Variants in ST8SIA1 observed in about 807,000 individuals in gnomAD.
The protein encoded by ST8SIA1 is alpha-N-acetylneuraminide alpha-2,8-sialyltransferase.
Under a neutral mutation model 35.9 loss-of-function variants are expected in ST8SIA1, and 16 were observed. That is an observed-to-expected ratio of 0.45 (90% CI 0.30 to 0.68). The LOEUF is 0.68. ST8SIA1 is among the 30% of genes least tolerant of loss of function. The pLI is 0.09. For missense variants in ST8SIA1, 383 were observed against 453.6 expected (o/e 0.84, Z 1.41); for synonymous variants, 170 against 169.6 (o/e 1.00, Z -0.02).
chr12:22,244,576 C>T (rs1407029780), intron 4 of ST8SIA1, among the ~76,000 whole-genome samples: 1 of 152,152 alleles, frequency 6.6e-6, no homozygotes, highest in African/African-American at 2.4e-5. Context: ...CCTGCCTCAG[C>T]CTCCCAAGTA....
At chr12:22,290,105 T>C (rs1866155988) in intron 1 of ST8SIA1, among the ~76,000 whole-genome samples, 1 of 152,194 alleles carries the variant, frequency 6.6e-6, no homozygotes, top group East Asian at 1.9e-4. Flanking sequence ...TGTGTAGAAA[T>C]ATTTTTAAAT....
At chr12:22,277,697 T>C (rs893587540) in intron 2 of ST8SIA1, among the ~76,000 whole-genome samples, 1 of 152,104 alleles carries the variant, frequency 6.6e-6, no homozygotes, top group African/African-American at 2.4e-5. Context: ...CTTGAATTAG[T>C]ATAGATAACA....
intron 1 of ST8SIA1, among the ~76,000 whole-genome samples, chr12:22,300,923 T>C (rs962166964): frequency 6.6e-6 from 1 of 152,174 alleles, no homozygotes; most frequent in Non-Finnish European, 1.5e-5. Flanking sequence ...TCGTCAAATC[T>C]GAAATGGTGT....
chr12:22,283,327 C>T (rs957369591), intron 2 of ST8SIA1, among the ~76,000 whole-genome samples: 117 of 152,260 alleles, frequency 7.7e-4, no homozygotes, highest in African/African-American at 2.7e-3. Context: ...TCTAACATTC[C>T]TGCTACTGCC....
intron 4 of ST8SIA1, among the ~76,000 whole-genome samples, chr12:22,241,384 C>T (rs979057015): frequency 6.6e-6 from 1 of 151,974 alleles, no homozygotes; most frequent in Non-Finnish European, 1.5e-5. Context: ...TGAGACCTGG[C>T]TGTTTAAGTG....
chr12:22,290,113 A>T (rs2135818403), intron 1 of ST8SIA1, among the ~76,000 whole-genome samples: 1 of 152,322 alleles, frequency 6.6e-6, no homozygotes, highest in East Asian at 1.9e-4. Flanking sequence ...AATATTTTTA[A>T]ATCCAAGAGG....
chr12:22,221,478 G>A (rs1484072473), intron 4 of ST8SIA1, among the ~76,000 whole-genome samples: 1 of 152,156 alleles, frequency 6.6e-6, no homozygotes, highest in Non-Finnish European at 1.5e-5. Context: ...AAGACGAAGA[G>A]AGAAATAGCA....
intron 1 of ST8SIA1, among the ~76,000 whole-genome samples, chr12:22,287,773 C>A (rs1333361996): frequency 6.6e-6 from 1 of 152,012 alleles, no homozygotes; most frequent in East Asian, 1.9e-4. Flanking sequence ...ACAGAGTGAC[C>A]CTAAAGAGAG....
chr12:22,211,533 T>C (rs1030065781), intron 4 of ST8SIA1, among the ~76,000 whole-genome samples: 24 of 152,190 alleles, frequency 1.6e-4, no homozygotes, highest in African/African-American at 1.9e-4. Flanking sequence ...TGTGATGAAA[T>C]AGGTTGAAGA....
At chr12:22,292,810 T>C (rs1463957431) in intron 1 of ST8SIA1, among the ~76,000 whole-genome samples, 2 of 152,158 alleles carry the variant, frequency 1.3e-5, no homozygotes, top group Non-Finnish European at 2.9e-5. Context: ...GCTCACTACC[T>C]GAATAATTGA....
intron 1 of ST8SIA1, among the ~76,000 whole-genome samples, chr12:22,324,120 C>T (rs957307928): frequency 2.6e-5 from 4 of 151,942 alleles, no homozygotes; most frequent in African/African-American, 9.7e-5. Context: ...ACTAAATTTC[C>T]AACAAAGATC....
At chr12:22,247,870 T>A in intron 4 of ST8SIA1, among the ~76,000 whole-genome samples, 1 of 152,118 alleles carries the variant, frequency 6.6e-6, no homozygotes, top group East Asian at 1.9e-4. Context: ...AAATATTTTT[T>A]AAAGCAAGTC....
intron 1 of ST8SIA1, 51 bp downstream of exon 1, chr12:22,333,944 GCA>G: frequency 6.6e-7 from 1 of 1,515,268 alleles, no homozygotes; most frequent in Admixed American, 1.7e-5. Context: ...CCTGTCCTCT[GCA>G]CTCGGGGAGG....
intron 4 of ST8SIA1, among the ~76,000 whole-genome samples, chr12:22,247,068 C>T (rs1354904736): frequency 6.7e-6 from 1 of 149,318 alleles, no homozygotes; most frequent in African/African-American, 2.5e-5. Flanking sequence ...AAAACAGTCT[C>T]TCCCTCCCTC....
At chr12:22,230,158 T>C (rs1235593269) in intron 4 of ST8SIA1, among the ~76,000 whole-genome samples, 1 of 152,172 alleles carries the variant, frequency 6.6e-6, no homozygotes, top group African/African-American at 2.4e-5. Flanking sequence ...CAGAAAACCT[T>C]TCCATCTAAA....
intron 4 of ST8SIA1, among the ~76,000 whole-genome samples, chr12:22,241,446 A>G (rs1475491076): frequency 1.3e-5 from 2 of 152,080 alleles, no homozygotes. Context: ...GCCATGTGAC[A>G]TGCCTGCTCC....
chr12:22,194,430 C>G lies in ST8SIA1; in HGVS notation c.*7122G>C, dbSNP rs1864959058. ...TTCTATAAAATAGTCACATTTGCTA[C>G]ATTTATAGGACTTCTTGATAATAAC... On this transcript the variant is annotated 3_prime_UTR_variant, in exon 5 of 5. Coordinates refer to ENST00000396037, the MANE Select transcript of ST8SIA1 (RefSeq NM_003034.4). The G allele has an allele frequency of 6.6e-6, 1 of 152,140 alleles. No homozygotes were observed. The highest frequency in any genetic ancestry group is 2.4e-5 in the African/African-American group (1 of 41,430). 9.4% of individuals were successfully genotyped at this position (152,140 alleles called of 1,614,324 possible). A position where few individuals can be genotyped will look rare whatever the true frequency, so the allele number is the denominator to read the frequency against.
At chr12:22,304,752 A>T (rs894720293) in intron 1 of ST8SIA1, among the ~76,000 whole-genome samples, 3 of 152,230 alleles carry the variant, frequency 2.0e-5, no homozygotes, top group African/African-American at 7.2e-5. Context: ...CCTCATAATA[A>T]TTCTCCTTTT....
chr12:22,320,839 A>C, intron 1 of ST8SIA1, among the ~76,000 whole-genome samples: 1 of 150,186 alleles, frequency 6.7e-6, no homozygotes, highest in South Asian at 2.1e-4. Context: ...AAGAAAAGAA[A>C]AGAAAGAGAG....
Sources: gnomAD v4.1 joint callset for allele counts (sites outside exome capture counted in the v4.1 genomes callset) on GRCh38, gnomAD v4.1.1 for gene constraint, MANE v1.5 for transcripts, NCBI Gene and HGNC (gene_info 2026-07-23, HGNC 2026-07-21) for gene names.